Variants in MARCHF1 observed in about 807,000 individuals in gnomAD.
MARCHF1 encodes membrane associated ring-CH-type finger 1, also known as E3 ubiquitin-protein ligase MARCHF1.
Under a neutral mutation model 54.2 loss-of-function variants are expected in MARCHF1, and 40 were observed. The observed-to-expected ratio is 0.74, with a 90% CI of 0.57 to 0.96. MARCHF1 has a LOEUF of 0.96. MARCHF1 is among the 40% of genes least tolerant of loss of function. The pLI is 0.00. For missense variants in MARCHF1, 586 were observed against 656.5 expected (o/e 0.89, Z 1.17); for synonymous variants, 236 against 236.3 (o/e 1.00, Z 0.01).
chr4:163,547,393 T>G (rs565634687), intron 8 of MARCHF1, among the ~76,000 whole-genome samples: 1 of 152,344 alleles, frequency 6.6e-6, no homozygotes, highest in East Asian at 1.9e-4. Flanking sequence ...TTTCCAGCAA[T>G]GAGATGTGAG....
intron 1 of MARCHF1, among the ~76,000 whole-genome samples, chr4:164,118,446 T>C (rs1755988108): frequency 6.6e-6 from 1 of 150,618 alleles, no homozygotes; most frequent in Non-Finnish European, 1.5e-5. Flanking sequence ...TGTATAAACA[T>C]ATAAATAAAC....
rs192924666 is a variant in MARCHF1 at position 164,060,592 on chromosome 4, T to A, written c.-248+50996A>T. On this transcript the variant is annotated intron_variant, in intron 2 of 9. Coordinates refer to ENST00000514618, the MANE Select transcript of MARCHF1 (RefSeq NM_001394959.1). ...TAAATAATTGAATAAAATAAGGATA[T>A]TTCCAGGACAAAATGGAAACAATTA... is the stretch of plus-strand genomic sequence containing the variant. Among the ~76,000 whole-genome samples the A allele has an allele frequency of 2.1e-3, 321 of 152,162 alleles. 1 individual carries two copies. Among genetic ancestry groups the A allele is most frequent in the African/African-American group, 7.6e-3 (314 of 41,554 alleles).
intron 1 of MARCHF1, among the ~76,000 whole-genome samples, chr4:164,154,713 T>C (rs1172106618): frequency 6.6e-6 from 1 of 152,158 alleles, no homozygotes; most frequent in Admixed American, 6.5e-5. Flanking sequence ...TGTGTTACAG[T>C]GCACTCTTTT....
At chr4:164,061,588 G>A (rs1477323266) in intron 2 of MARCHF1, among the ~76,000 whole-genome samples, 2 of 148,810 alleles carry the variant, frequency 1.3e-5, no homozygotes, top group Non-Finnish European at 3.0e-5. Context: ...GCTAAATGAC[G>A]AGTTAATGGG....
At chr4:164,021,849 CA>C (rs1327261820) in intron 2 of MARCHF1, among the ~76,000 whole-genome samples, 1 of 111,694 alleles carries the variant, frequency 9.0e-6, no homozygotes, top group Non-Finnish European at 2.2e-5. Context: ...AGTGAACCTC[CA>C]TGTCAAAAAA....
chr4:163,795,774 A>G (rs951579413), intron 4 of MARCHF1, among the ~76,000 whole-genome samples: 1 of 152,228 alleles, frequency 6.6e-6, no homozygotes, highest in Non-Finnish European at 1.5e-5. Flanking sequence ...TGGCCCCCAC[A>G]TGTAGTCAAA....
intron 3 of MARCHF1, among the ~76,000 whole-genome samples, chr4:163,892,963 G>A (rs1750693790): frequency 6.6e-6 from 1 of 152,074 alleles, no homozygotes; most frequent in African/African-American, 2.4e-5. Flanking sequence ...AGTGATGCCT[G>A]TCTGCATAGT....
At chr4:164,190,042 AG>A in intron 1 of MARCHF1, 2 of 1,344,560 alleles carry the variant, frequency 1.5e-6, no homozygotes, top group Non-Finnish European at 2.1e-6. Flanking sequence ...AAGCTCAAGG[AG>A]TGCATTGATA....
Position 164,315,063 on chromosome 4 carries a change from G to A in MARCHF1, c.-323+68807C>T, listed in dbSNP as rs116937972. 2.6e-3 allele frequency among the ~76,000 whole-genome samples: 390 copies of A among 152,148 alleles called. 7 individuals carry two copies. The East Asian group carries it at 0.058, about 23-fold the overall frequency. On this transcript the variant is annotated intron_variant, in intron 1 of 9. Coordinates refer to ENST00000514618, the MANE Select transcript of MARCHF1 (RefSeq NM_001394959.1). ...AGAAGAGTTATGCCACAGTTTACTG[G>A]AGTATGGCAGAATACTAAGGGAGAT...
At chr4:163,679,448 A>G (rs1744024624) in intron 5 of MARCHF1, among the ~76,000 whole-genome samples, 1 of 152,128 alleles carries the variant, frequency 6.6e-6, no homozygotes, top group African/African-American at 2.4e-5. Context: ...AGAAATCTGA[A>G]CATCATCTTA....
chr4:163,639,762 GT>G (rs1381123262), intron 5 of MARCHF1, among the ~76,000 whole-genome samples: 2 of 152,138 alleles, frequency 1.3e-5, no homozygotes, highest in Non-Finnish European at 1.5e-5. Context: ...CAAATGGAAA[GT>G]TTCAAAAGAA....
chr4:164,228,578 A>G (rs1478436981), intron 1 of MARCHF1, among the ~76,000 whole-genome samples: 6 of 152,140 alleles, frequency 3.9e-5, no homozygotes, highest in African/African-American at 1.4e-4. Flanking sequence ...TTAAGGATAA[A>G]CCCAACTGGA....
intron 1 of MARCHF1, among the ~76,000 whole-genome samples, chr4:164,152,163 T>C (rs1275840047): frequency 6.6e-6 from 1 of 152,176 alleles, no homozygotes; most frequent in African/African-American, 2.4e-5. Context: ...CATATATACA[T>C]ACATAAAGGA....
At chr4:164,369,807 C>A (rs895882405) in intron 1 of MARCHF1, among the ~76,000 whole-genome samples, 4 of 152,058 alleles carry the variant, frequency 2.6e-5, no homozygotes, top group African/African-American at 9.7e-5. Context: ...ACACACAACA[C>A]GAACATCTAT....
chr4:163,974,016 C>T (rs889920793), intron 3 of MARCHF1, among the ~76,000 whole-genome samples: 2 of 152,164 alleles, frequency 1.3e-5, no homozygotes, highest in South Asian at 4.1e-4. Context: ...GGCTTTGCTT[C>T]TTATTAAATG....
intron 8 of MARCHF1, among the ~76,000 whole-genome samples, chr4:163,547,875 T>TA (rs1421281569): frequency 6.6e-6 from 1 of 152,236 alleles, no homozygotes; most frequent in African/African-American, 2.4e-5. Context: ...AGGAGTTTGT[T>TA]AGAGTTAATT....
chr4:164,176,588 A>G (rs1730668789), intron 1 of MARCHF1, among the ~76,000 whole-genome samples: 1 of 152,132 alleles, frequency 6.6e-6, no homozygotes, highest in African/African-American at 2.4e-5. Flanking sequence ...AAATCAGAGA[A>G]CCAAATAATT....
In MARCHF1 at chr4:163,570,219, T is replaced by C. The variant is rs543544878; in HGVS notation, c.1191+15530A>G. Reference sequence around the variant, plus strand: ...TGAGAAATAGTCAGCTCTTTAAAAATGTGCACGCTACCCTCTTGTTGGCCT... The same window carrying C: ...TGAGAAATAGTCAGCTCTTTAAAAACGTGCACGCTACCCTCTTGTTGGCCT... On this transcript the variant is annotated intron_variant, in intron 8 of 9. Coordinates refer to ENST00000514618, the MANE Select transcript of MARCHF1 (RefSeq NM_001394959.1). Among the ~76,000 whole-genome samples, 20 of 152,186 alleles carry C rather than the reference T, an allele frequency of 1.3e-4. No homozygotes were observed. The South Asian group carries it at 3.5e-3, about 27-fold the overall frequency.
intron 1 of MARCHF1, among the ~76,000 whole-genome samples, chr4:164,247,366 C>G (rs1377002364): frequency 6.7e-6 from 1 of 149,220 alleles, no homozygotes; most frequent in Non-Finnish European, 1.5e-5. Context: ...AACAAAAAAC[C>G]AAACACCGCA....
Sources: gnomAD v4.1 joint callset for allele counts (sites outside exome capture counted in the v4.1 genomes callset) on GRCh38, gnomAD v4.1.1 for gene constraint, MANE v1.5 for transcripts, NCBI Gene and HGNC (gene_info 2026-07-23, HGNC 2026-07-21) for gene names.